The following KCNQ5 variants were observed in gnomAD, a reference collection of about 807,000 sequenced individuals.
KCNQ5 encodes the protein potassium voltage-gated channel subfamily Q member 5, also known as potassium voltage-gated channel subfamily KQT member 5.
A neutral mutation model predicts 98.2 loss-of-function variants in KCNQ5; 30 were observed. That is an observed-to-expected ratio of 0.31 (90% CI 0.23 to 0.41). The LOEUF is 0.41. Ranked by LOEUF, KCNQ5 falls within the 10% of genes least tolerant of loss-of-function variation. The probability of loss-of-function intolerance (pLI) is 1.00; values close to 1 mark genes in which losing one functional copy is unlikely to be tolerated. For synonymous variants in KCNQ5, 458 were observed against 449.4 expected, an observed-to-expected ratio of 1.02 and a Z score of -0.24; for missense variants, 835 against 1,182.5, an observed-to-expected ratio of 0.71 and a Z score of 4.31.
chr6:72,879,760 G>T (rs1284869001), intron 1 of KCNQ5, among the ~76,000 whole-genome samples: 1 of 152,004 alleles, frequency 6.6e-6, no homozygotes, highest in Non-Finnish European at 1.5e-5. Flanking sequence ...GTTTTTTTGT[G>T]TGTGATTTTT....
chr6:73,104,063 T>G (rs994134828), intron 5 of KCNQ5, among the ~76,000 whole-genome samples: 1 of 152,218 alleles, frequency 6.6e-6, no homozygotes, highest in Admixed American at 6.5e-5. Flanking sequence ...ATGCTCACTT[T>G]TGCCACTTCT....
chr6:72,762,153 G>A (rs1772319167), intron 1 of KCNQ5, among the ~76,000 whole-genome samples: 1 of 151,988 alleles, frequency 6.6e-6, no homozygotes, highest in East Asian at 1.9e-4. Flanking sequence ...TGAAATATGT[G>A]CTACCATTCC....
intron 10 of KCNQ5, among the ~76,000 whole-genome samples, chr6:73,142,498 CAA>C (rs60700064): frequency 2.1e-4 from 28 of 133,806 alleles, no homozygotes; most frequent in South Asian, 1.4e-3. Context: ...TATTATATCT[CAA>C]AAAAAAAAAA....
intron 1 of KCNQ5, among the ~76,000 whole-genome samples, chr6:72,869,143 A>C (rs1476367932): frequency 6.6e-6 from 1 of 152,230 alleles, no homozygotes; most frequent in African/African-American, 2.4e-5. Flanking sequence ...AATTTTTAAA[A>C]ATTAAAAAGA....
At chr6:72,983,285 C>T (rs1048502192) in intron 1 of KCNQ5, among the ~76,000 whole-genome samples, 5 of 152,198 alleles carry the variant, frequency 3.3e-5, no homozygotes, top group African/African-American at 4.8e-5. Flanking sequence ...TGGTTCCATT[C>T]GCCCTGTCAC....
chr6:72,781,516 T>C (rs995379049), intron 1 of KCNQ5, among the ~76,000 whole-genome samples: 2 of 152,202 alleles, frequency 1.3e-5, no homozygotes, highest in Non-Finnish European at 2.9e-5. Flanking sequence ...TCACTCATAG[T>C]TGATGATCTC....
intron 1 of KCNQ5, among the ~76,000 whole-genome samples, chr6:72,909,728 A>G (rs1475591911): frequency 1.3e-5 from 2 of 152,220 alleles, no homozygotes; most frequent in Non-Finnish European, 2.9e-5. Flanking sequence ...TAGCTTCCTA[A>G]TATAGAAGAC....
intron 1 of KCNQ5, among the ~76,000 whole-genome samples, chr6:72,929,639 G>A (rs1348918052): frequency 6.6e-6 from 1 of 152,030 alleles, no homozygotes; most frequent in African/African-American, 2.4e-5. Flanking sequence ...AGTACATAAA[G>A]TACAATGGAG....
intron 10 of KCNQ5, among the ~76,000 whole-genome samples, chr6:73,152,985 T>G (rs1474346628): frequency 6.6e-6 from 1 of 152,206 alleles, no homozygotes; most frequent in African/African-American, 2.4e-5. Context: ...GGATGTATCT[T>G]TGGATGAAGG....
intron 3 of KCNQ5, chr6:73,055,104 C>T: frequency 2.7e-6 from 2 of 738,436 alleles, no homozygotes; most frequent in Admixed American, 1.8e-5. Flanking sequence ...ACCATGGCCA[C>T]CTACAAACTG....
intron 1 of KCNQ5, among the ~76,000 whole-genome samples, chr6:72,688,628 T>C (rs535016116): frequency 5.9e-5 from 9 of 152,338 alleles, no homozygotes; most frequent in African/African-American, 2.2e-4. Context: ...CAGTTGAGGT[T>C]TCTGGATAAG....
intron 1 of KCNQ5, among the ~76,000 whole-genome samples, chr6:72,726,346 G>A (rs1469529428): frequency 1.3e-5 from 2 of 151,944 alleles, no homozygotes; most frequent in South Asian, 2.1e-4. Context: ...GAGTAGCTGG[G>A]ACTACAGGTG....
chr6:72,809,158 C>T lies in KCNQ5; in HGVS notation c.398+186571C>T, dbSNP rs555828395. Among the ~76,000 whole-genome samples, 639 of 145,530 alleles carry T rather than the reference C, an allele frequency of 4.4e-3. 6 individuals are homozygous for T. The highest frequency in any genetic ancestry group is 0.014 in the African/African-American group (539 of 38,720). ...ATCGCAAGAACAAAAAACCAAACAC[C>T]GCATATTCTCACTCATAGGTGGGAA... On this transcript the variant is annotated intron_variant, in intron 1 of 13. Transcript: ENST00000370398.
At chr6:72,867,964 C>A (rs2350090) in intron 1 of KCNQ5, among the ~76,000 whole-genome samples, 2,653 of 150,774 alleles carry the variant, frequency 0.018, 48 homozygotes, top group East Asian at 0.052. Context: ...ACTACTACTA[C>A]TACTACTAAT....
chr6:72,889,085 T>C (rs1289881749), intron 1 of KCNQ5, among the ~76,000 whole-genome samples: 1 of 152,192 alleles, frequency 6.6e-6, no homozygotes. Flanking sequence ...GGACAGTGCC[T>C]GAGCAAAGAA....
At chr6:72,715,992 G>GATA (rs926206328) in intron 1 of KCNQ5, among the ~76,000 whole-genome samples, 4 of 152,084 alleles carry the variant, frequency 2.6e-5, no homozygotes, top group Admixed American at 6.6e-5. Context: ...TTATGCCAGT[G>GATA]ATAATATTAT....
intron 2 of KCNQ5, among the ~76,000 whole-genome samples, chr6:73,036,019 G>GTGTGTGTGTGTC (rs1771403667): frequency 2.0e-5 from 3 of 151,240 alleles, no homozygotes; most frequent in African/African-American, 7.3e-5. Context: ...GTGTGTGTGT[G>GTGTGTGTGTGTC]TGTGTGTGTG....
intron 2 of KCNQ5, among the ~76,000 whole-genome samples, chr6:73,014,711 T>C (rs958109304): frequency 2.0e-5 from 3 of 152,204 alleles, no homozygotes; most frequent in Admixed American, 6.6e-5. Flanking sequence ...TTAAAGAAAA[T>C]CTATAGGGAA....
At chr6:72,979,949 T>C (rs1006405446) in intron 1 of KCNQ5, among the ~76,000 whole-genome samples, 1 of 152,232 alleles carries the variant, frequency 6.6e-6, no homozygotes, top group African/African-American at 2.4e-5. Flanking sequence ...TCCCCATTTC[T>C]TGTTTTTGTC....
Sources: gnomAD v4.1 joint callset for allele counts (sites outside exome capture counted in the v4.1 genomes callset) on GRCh38, gnomAD v4.1.1 for gene constraint, MANE v1.5 for transcripts, NCBI Gene and HGNC (gene_info 2026-07-23, HGNC 2026-07-21) for gene names.